The following RPS6KC1 variants were observed in gnomAD, a reference collection of about 807,000 sequenced individuals.
The protein encoded by RPS6KC1 is ribosomal protein S6 kinase C1, also known as inactive ribosomal protein S6 kinase delta-1.
In RPS6KC1, 54 loss-of-function variants were observed where a neutral mutation model predicts 103.8. The ratio of observed to expected loss-of-function variants is 0.52; its 90% CI spans 0.42 to 0.65. The LOEUF (loss-of-function observed/expected upper bound fraction) is 0.65, where lower values mean the gene tolerates loss of function less well. Among genes scored for constraint, RPS6KC1 ranks in the 30% least tolerant of loss-of-function variants. The probability of loss-of-function intolerance (pLI) is 0.00; values close to 1 mark genes in which losing one functional copy is unlikely to be tolerated. For synonymous variants in RPS6KC1, 439 were observed against 438.7 expected (o/e 1.00, Z -0.01); for missense variants, 1,151 against 1,253.8 (o/e 0.92, Z 1.24).
At chr1:213,158,080 A>T (rs772660846) in intron 6 of RPS6KC1, among the ~76,000 whole-genome samples, 2 of 152,162 alleles carry the variant, frequency 1.3e-5, no homozygotes, top group Non-Finnish European at 2.9e-5. Context: ...TAGACAGGAT[A>T]TAGTTAGATC....
the RPS6KC1 span, among the ~76,000 whole-genome samples, chr1:213,630,990 G>A: frequency 6.6e-6 from 1 of 152,172 alleles, no homozygotes; most frequent in South Asian, 2.1e-4. Flanking sequence ...TCCCCTACTG[G>A]GGCATAGGAC....
At chr1:213,828,301 C>T in the RPS6KC1 span, among the ~76,000 whole-genome samples, 1 of 152,264 alleles carries the variant, frequency 6.6e-6, no homozygotes, top group Non-Finnish European at 1.5e-5. Context: ...CCCACAGTGC[C>T]ACATCACACC....
chr1:213,610,487 G>T, the RPS6KC1 span, among the ~76,000 whole-genome samples: 1 of 152,070 alleles, frequency 6.6e-6, no homozygotes, highest in African/African-American at 2.4e-5. Context: ...CGGAAACCTC[G>T]ACCATCAGGG....
At chr1:213,333,537 C>T in the RPS6KC1 span, among the ~76,000 whole-genome samples, 3 of 152,168 alleles carry the variant, frequency 2.0e-5, no homozygotes, top group African/African-American at 4.8e-5. Context: ...GTCAGGTTTT[C>T]GTGCTTCAGG....
the RPS6KC1 span, among the ~76,000 whole-genome samples, chr1:213,750,645 C>T: frequency 1.3e-5 from 2 of 152,170 alleles, no homozygotes; most frequent in Non-Finnish European, 2.9e-5. Flanking sequence ...GGAGCTCTCT[C>T]TTGAACCTGT....
intron 14 of RPS6KC1, among the ~76,000 whole-genome samples, chr1:213,270,750 A>C: frequency 6.6e-6 from 1 of 152,246 alleles, no homozygotes; most frequent in East Asian, 1.9e-4. Flanking sequence ...TAATTAAGTA[A>C]GACAGACAAT....
the RPS6KC1 span, among the ~76,000 whole-genome samples, chr1:213,638,169 C>A: frequency 6.6e-6 from 1 of 151,910 alleles, no homozygotes; most frequent in Admixed American, 6.6e-5. Context: ...TGTTAAGCAT[C>A]TTTTATTTGC....
chr1:213,479,974 TTC>T, the RPS6KC1 span, among the ~76,000 whole-genome samples: 1 of 152,010 alleles, frequency 6.6e-6, no homozygotes, highest in Non-Finnish European at 1.5e-5. Flanking sequence ...ATTTGTCTGT[TTC>T]TCTGCCAATA....
At chr1:213,255,050 C>G (rs896973417) in intron 12 of RPS6KC1, among the ~76,000 whole-genome samples, 10 of 151,716 alleles carry the variant, frequency 6.6e-5, no homozygotes, top group Non-Finnish European at 1.0e-4. Flanking sequence ...CCTGTAATTC[C>G]AGCATTTTGT....
At chr1:213,086,797 C>T (rs1038989565) in intron 3 of RPS6KC1, among the ~76,000 whole-genome samples, 10 of 152,032 alleles carry the variant, frequency 6.6e-5, no homozygotes, top group African/African-American at 2.4e-4. Flanking sequence ...TTATACATAC[C>T]TCTAATCATT....
intron 9 of RPS6KC1, 73 bp from the exon 10 acceptor site, chr1:213,232,050 C>A: frequency 1.3e-6 from 2 of 1,574,940 alleles, no homozygotes; most frequent in Non-Finnish European, 1.7e-6. Context: ...TTGATAAACA[C>A]AGAGCACAGC....
the RPS6KC1 span, among the ~76,000 whole-genome samples, chr1:213,532,986 G>A: frequency 2.6e-5 from 4 of 152,220 alleles, no homozygotes; most frequent in Admixed American, 1.3e-4. Flanking sequence ...GTGGGAGAAA[G>A]TGAGGCCCAA....
chr1:213,076,656 T>C (rs1473023819), intron 2 of RPS6KC1, among the ~76,000 whole-genome samples: 1 of 151,816 alleles, frequency 6.6e-6, no homozygotes, highest in Non-Finnish European at 1.5e-5. Context: ...GGTTAAATAA[T>C]AATTCAGACT....
chr1:213,397,565 C>G, the RPS6KC1 span, among the ~76,000 whole-genome samples: 1 of 144,070 alleles, frequency 6.9e-6, no homozygotes, highest in African/African-American at 2.6e-5. Context: ...GGTGCTGAGG[C>G]TAGCTCAAGA....
chr1:213,581,617 G>A, the RPS6KC1 span, among the ~76,000 whole-genome samples: 1 of 152,178 alleles, frequency 6.6e-6, no homozygotes, highest in Non-Finnish European at 1.5e-5. Flanking sequence ...TCCAGGAAAG[G>A]TGGCTCCAGC....
the RPS6KC1 span, among the ~76,000 whole-genome samples, chr1:213,843,153 G>A: frequency 6.6e-6 from 1 of 152,134 alleles, no homozygotes; most frequent in African/African-American, 2.4e-5. Flanking sequence ...CTCAGTCTTT[G>A]CTCTTAAGAC....
chr1:213,835,443 G>A, the RPS6KC1 span, among the ~76,000 whole-genome samples: 10 of 152,178 alleles, frequency 6.6e-5, no homozygotes, highest in African/African-American at 2.2e-4. Flanking sequence ...GGCTACGCTG[G>A]GGATGGAAGG....
intron 8 of RPS6KC1, among the ~76,000 whole-genome samples, chr1:213,201,573 A>G (rs1271073899): frequency 1.3e-5 from 2 of 152,198 alleles, no homozygotes; most frequent in African/African-American, 4.8e-5. Flanking sequence ...ACCCTAATAG[A>G]AACTGTGTAC....
At chr1:213,551,870 C>G in the RPS6KC1 span, among the ~76,000 whole-genome samples, 1 of 152,208 alleles carries the variant, frequency 6.6e-6, no homozygotes, top group Admixed American at 6.5e-5. Flanking sequence ...TCCCTTTCTC[C>G]CACTAACTTC....
Sources: gnomAD v4.1 joint callset for allele counts (sites outside exome capture counted in the v4.1 genomes callset) on GRCh38, gnomAD v4.1.1 for gene constraint, MANE v1.5 for transcripts, NCBI Gene and HGNC (gene_info 2026-07-23, HGNC 2026-07-21) for gene names.